RORB: variants seen among roughly 807,000 people sequenced by gnomAD.
RORB encodes nuclear receptor ROR-beta.
Under a neutral mutation model 59.1 loss-of-function variants are expected in RORB, and 6 were observed. The observed-to-expected ratio is 0.10, with a 90% confidence interval of 0.06 to 0.20. RORB has a LOEUF of 0.20. Ranked by LOEUF, RORB falls within the 10% of genes least tolerant of loss-of-function variation. The pLI, the probability that RORB is intolerant of heterozygous loss-of-function variation, is 1.00. For missense variants in RORB, 320 were observed against 560.5 expected (o/e 0.57, Z 4.33); for synonymous variants, 215 against 204.5 (o/e 1.05, Z -0.44).
intron 2 of RORB, among the ~76,000 whole-genome samples, chr9:74,633,201 A>G (rs898080222): frequency 1.3e-5 from 2 of 152,200 alleles, no homozygotes; most frequent in Middle Eastern, 3.2e-3. Context: ...TAGATTTTTA[A>G]CACATTGTGT....
At chr9:74,507,593 A>G (rs1825887111) in intron 1 of RORB, among the ~76,000 whole-genome samples, 1 of 152,042 alleles carries the variant, frequency 6.6e-6, no homozygotes, top group South Asian at 2.1e-4. Flanking sequence ...TATAGCTTGA[A>G]CCAGAATAAA....
chr9:74,588,201 C>A (rs1006055688), intron 1 of RORB, among the ~76,000 whole-genome samples: 3 of 152,036 alleles, frequency 2.0e-5, no homozygotes, highest in African/African-American at 7.2e-5. Context: ...GTGGGGCAAG[C>A]GTAATAATTA....
At chr9:74,539,456 A>G (rs2118128181) in intron 1 of RORB, among the ~76,000 whole-genome samples, 1 of 152,322 alleles carries the variant, frequency 6.6e-6, no homozygotes, top group South Asian at 2.1e-4. Context: ...TGTCATGTAC[A>G]AAATTGCTCA....
chr9:74,572,233 A>G (rs1410259978), intron 1 of RORB, among the ~76,000 whole-genome samples: 1 of 152,168 alleles, frequency 6.6e-6, no homozygotes, highest in Non-Finnish European at 1.5e-5. Flanking sequence ...ATTAATATAG[A>G]CAATTTTCAC....
At chr9:74,507,780 T>C (rs1207956848) in intron 1 of RORB, among the ~76,000 whole-genome samples, 2 of 152,002 alleles carry the variant, frequency 1.3e-5, no homozygotes, top group Non-Finnish European at 2.9e-5. Context: ...TGTTAACTTG[T>C]ATATAAATTG....
chr9:74,626,297 G>T (rs1409099372), intron 1 of RORB, among the ~76,000 whole-genome samples: 1 of 152,026 alleles, frequency 6.6e-6, no homozygotes, highest in Non-Finnish European at 1.5e-5. Context: ...ATAAAGTAAA[G>T]CAGCAAATTA....
At chr9:74,610,029 C>T (rs986110972) in intron 1 of RORB, among the ~76,000 whole-genome samples, 1 of 152,214 alleles carries the variant, frequency 6.6e-6, no homozygotes, top group Non-Finnish European at 1.5e-5. Flanking sequence ...TTTCTCTGTA[C>T]TTCTGTACTA....
chr9:74,676,308 C>T (rs1587419589), intron 9 of RORB, among the ~76,000 whole-genome samples: 1 of 152,292 alleles, frequency 6.6e-6, no homozygotes, highest in Non-Finnish European at 1.5e-5. Context: ...ATAGATACAA[C>T]ACTCCTGGAG....
rs771899692 is a variant in RORB, at chr9:74,497,971, C to G, written c.-6C>G. ...TGACTACGCGGAGCGGGAGAGCGGC[C>G]ACACCATGCGAGGTAAGCGAGTCTG... On this transcript the variant is annotated 5_prime_UTR_variant, in exon 1 of 10. Transcript: ENST00000376896. 20 of 1,611,996 alleles carry G rather than the reference C, an allele frequency of 1.2e-5. No individual in the cohort carries two copies. The highest frequency in any genetic ancestry group is 1.6e-5 in the Non-Finnish European group (19 of 1,179,608).
intron 1 of RORB, among the ~76,000 whole-genome samples, chr9:74,629,896 T>C (rs1033057965): frequency 3.9e-5 from 6 of 152,216 alleles, no homozygotes; most frequent in Non-Finnish European, 7.3e-5. Context: ...GGTAAGGCCA[T>C]GTGAAAGATC....
At chr9:74,639,804 T>C (rs1823765930) in intron 3 of RORB, among the ~76,000 whole-genome samples, 2 of 152,222 alleles carry the variant, frequency 1.3e-5, no homozygotes, top group African/African-American at 4.8e-5. Context: ...GGGGAAGTTC[T>C]TTCTGAATCA....
intron 1 of RORB, among the ~76,000 whole-genome samples, chr9:74,567,781 C>T (rs189385282): frequency 6.6e-6 from 1 of 152,266 alleles, no homozygotes; most frequent in Admixed American, 6.5e-5. Flanking sequence ...CTGAAGTATT[C>T]CTCTCTCTGA....
chr9:74,599,284 A>G (rs943084218), intron 1 of RORB, among the ~76,000 whole-genome samples: 2 of 152,124 alleles, frequency 1.3e-5, no homozygotes, highest in East Asian at 1.9e-4. Flanking sequence ...ATAGCAAGAC[A>G]TTGGACTCCC....
rs372749857 is a variant in RORB at position 74,541,308 on chromosome 9, T to G, written c.7+43325T>G. On this transcript the variant is annotated intron_variant, in intron 1 of 9. Coordinates refer to ENST00000376896, the MANE Select transcript of RORB (RefSeq NM_006914.4). ...AAAAAAAAAAAAAAAAAAAAAAAAG[T>G]AAAGGCTTTTGAGAACCAACCAACC... Among the ~76,000 whole-genome samples, 37 of 79,804 alleles carry G rather than the reference T, an allele frequency of 4.6e-4. 1 individual carries two copies. The highest frequency in any genetic ancestry group is 1.8e-3 in the African/African-American group (32 of 18,232). The allele number at this position is 79,804 out of a possible 152,430, so 52.4% of individuals were successfully genotyped here.
At chr9:74,604,080 T>C (rs997187698) in intron 1 of RORB, among the ~76,000 whole-genome samples, 2 of 152,234 alleles carry the variant, frequency 1.3e-5, no homozygotes, top group African/African-American at 2.4e-5. Context: ...ATAATTTACA[T>C]AGAACACAAT....
chr9:74,666,460 A>G (rs1191171064), intron 7 of RORB, among the ~76,000 whole-genome samples: 1 of 147,028 alleles, frequency 6.8e-6, no homozygotes, highest in East Asian at 2.0e-4. Context: ...GACCCTGTTA[A>G]AAAAAAAAAA....
intron 1 of RORB, among the ~76,000 whole-genome samples, chr9:74,572,044 C>CT (rs1822561463): frequency 6.6e-6 from 1 of 152,134 alleles, no homozygotes; most frequent in South Asian, 2.1e-4. Flanking sequence ...CTTCTAAACT[C>CT]TAACATAGCA....
chr9:74,512,430 G>A (rs1269715215), intron 1 of RORB, among the ~76,000 whole-genome samples: 2 of 152,146 alleles, frequency 1.3e-5, no homozygotes, highest in Non-Finnish European at 2.9e-5. Flanking sequence ...TAATAGGGAA[G>A]AATTCATTAT....
At chr9:74,582,158 T>C (rs1368555975) in intron 1 of RORB, among the ~76,000 whole-genome samples, 1 of 152,196 alleles carries the variant, frequency 6.6e-6, no homozygotes, top group African/African-American at 2.4e-5. Flanking sequence ...CATTGTGCTT[T>C]AAGTGGAGTG....
Sources: allele counts gnomAD v4.1 joint callset (sites outside exome capture counted in the v4.1 genomes callset), GRCh38; gene constraint gnomAD v4.1.1; transcripts MANE v1.5; gene names NCBI Gene and HGNC (gene_info 2026-07-23, HGNC 2026-07-21).